The following PDLIM4 variants were observed in gnomAD, a reference collection of about 807,000 sequenced individuals.
The protein encoded by PDLIM4 is PDZ and LIM domain protein 4.
Under a neutral mutation model 31.3 loss-of-function variants are expected in PDLIM4, and 19 were observed. That is an observed-to-expected ratio of 0.61 (90% CI 0.42 to 0.89). The LOEUF (loss-of-function observed/expected upper bound fraction) is 0.89, where lower values mean the gene tolerates loss of function less well. Among genes scored for constraint, PDLIM4 ranks in the 40% least tolerant of loss-of-function variants. The pLI, the probability that PDLIM4 is intolerant of heterozygous loss-of-function variation, is 0.00. For synonymous variants in PDLIM4, 176 were observed against 190.1 expected, an observed-to-expected ratio of 0.93 and a Z score of 0.61; for missense variants, 442 against 461.1, an observed-to-expected ratio of 0.96 and a Z score of 0.38.
rs1159722019 is a variant in PDLIM4, at chr5:132,262,655, A to G, written c.140A>G (p.Asp47Gly). 2 of 1,612,094 alleles carry G rather than the reference A, an allele frequency of 1.2e-6. No individual in the cohort carries two copies. Among genetic ancestry groups the G allele is most frequent in the Non-Finnish European group, 1.7e-6 (2 of 1,179,160 alleles). Residue 47 changes from aspartate (D) to glycine (G), a missense_variant, in exon 2 of 7, where the codon GAC (aspartate) becomes GGC (glycine). By Grantham distance (94) the Asp-to-Gly change is moderately conservative. Coordinates refer to ENST00000253754, the MANE Select transcript of PDLIM4 (RefSeq NM_003687.4). ...GCATTGGCTGCCCTGTGCCCAGGAG[A>G]CCTGATCCAGGCCATCAATGGTGAG... is the stretch of plus-strand genomic sequence containing the variant. ...KAALAALCPG[D>G]LIQAINGEST... is the part of the protein sequence containing the mutation.
intron 5 of PDLIM4, 69 bp downstream of exon 5, chr5:132,271,535 A>G: frequency 6.7e-7 from 1 of 1,502,076 alleles, no homozygotes; most frequent in Non-Finnish European, 9.2e-7. Context: ...CCCCCTAGCG[A>G]CCCCACGTCC....
At chr5:132,258,778 A>G (rs1756303212) in intron 1 of PDLIM4, among the ~76,000 whole-genome samples, 1 of 152,230 alleles carries the variant, frequency 6.6e-6, no homozygotes, top group Admixed American at 6.5e-5. Flanking sequence ...CAGAGGAGAT[A>G]ACCTGAAACC....
intron 3 of PDLIM4, 71 bp from the exon 4 acceptor site, chr5:132,270,844 T>C (rs1384554712): frequency 8.1e-6 from 11 of 1,356,042 alleles, no homozygotes; most frequent in Admixed American, 6.8e-5. Flanking sequence ...CACAGCAGGG[T>C]GGGGGTGGGG....
chr5:132,272,301 C>T lies in PDLIM4; in HGVS notation c.*72C>T, dbSNP rs894486718. 7 of 1,285,174 alleles carry T rather than the reference C, an allele frequency of 5.4e-6. No homozygotes were observed. The highest frequency in any genetic ancestry group is 6.7e-6 in the Non-Finnish European group (6 of 899,380). 79.6% of individuals were successfully genotyped at this position (1,285,174 alleles called of 1,614,324 possible). ...CGGTGTAAATATGTTTCACCCTGTC[C>T]CTCTAATAAAGCTCCTCTGCTCCAC... On this transcript the variant is annotated 3_prime_UTR_variant, in exon 7 of 7. Transcript: ENST00000253754.
intron 2 of PDLIM4, among the ~76,000 whole-genome samples, chr5:132,265,913 A>T (rs1389562597): frequency 6.6e-6 from 1 of 152,134 alleles, no homozygotes; most frequent in Admixed American, 6.5e-5. Flanking sequence ...GGAATTTCCT[A>T]ATGGCCTGTT....
Position 132,272,100 on chromosome 5 carries a change from C to CAA in PDLIM4, c.865_866dup (p.Gln290SerfsTer22). On this transcript the variant is annotated frameshift_variant, in exon 7 of 7. Coordinates refer to ENST00000253754, the MANE Select transcript of PDLIM4 (RefSeq NM_003687.4). LOFTEE classifies it high-confidence loss of function. ...TGTGCAGTGACTGCGGCCTGAACCT[C>CAA]AAGCAGCGTGGTTACTTCTTTCTGG... The CAA allele has an allele frequency of 6.2e-7, 1 of 1,614,232 alleles. No individual in the cohort carries two copies. The highest frequency in any genetic ancestry group is 1.6e-4 in the Middle Eastern group (1 of 6,062).
In PDLIM4 at chr5:132,271,360, C is replaced by T. The variant is rs764621515; in HGVS notation, c.564C>T (p.Ser188=). 2.9e-5 allele frequency: 46 copies of T among 1,605,132 alleles called. No individual in the cohort carries two copies. Among genetic ancestry groups the T allele is most frequent in the Non-Finnish European group, 3.8e-5 (45 of 1,178,686 alleles). The change falls in exon 5 of 7, where the codon TCC becomes TCT. Residue 188 remains serine, a synonymous_variant. Transcript: ENST00000253754. ...RSRDCRVDLG[S]EVYRMLREPA... ...GGGACTGCAGAGTCGACCTGGGCTC[C>T]GAGGTGTACAGGATGCTGCGGGAGC...
chr5:132,264,384 G>A (rs1361775714), intron 2 of PDLIM4, among the ~76,000 whole-genome samples: 1 of 152,204 alleles, frequency 6.6e-6, no homozygotes, highest in Non-Finnish European at 1.5e-5. Flanking sequence ...CTATTACAGA[G>A]CTGGGTTGAG....
chr5:132,265,150 A>G (rs535717238), intron 2 of PDLIM4, among the ~76,000 whole-genome samples: 1 of 152,156 alleles, frequency 6.6e-6, no homozygotes, highest in Non-Finnish European at 1.5e-5. Context: ...TTTGCCTGTC[A>G]TTTTGTTTAA....
rs186926395 is a variant in PDLIM4 at position 132,263,010 on chromosome 5, T to G, written c.245+250T>G. Among the ~76,000 whole-genome samples, 30 of 152,334 alleles carry G rather than the reference T, an allele frequency of 2.0e-4. No homozygotes were observed. In the East Asian group the frequency reaches 5.6e-3, roughly 28 times the overall value. On this transcript the variant is annotated intron_variant, in intron 2 of 6. Coordinates refer to ENST00000253754, the MANE Select transcript of PDLIM4 (RefSeq NM_003687.4). ...AGTGTGTTGGGGCACTTATGGCAAG[T>G]GTTGCAGGCAACTGAAATAAGACCT...
intron 1 of PDLIM4, among the ~76,000 whole-genome samples, chr5:132,261,056 G>A: frequency 6.6e-6 from 1 of 152,198 alleles, no homozygotes; most frequent in East Asian, 1.9e-4. Context: ...TGTAAAATAG[G>A]GATGAGAACA....
chr5:132,258,346 G>T (rs968979581), intron 1 of PDLIM4, among the ~76,000 whole-genome samples: 7 of 152,222 alleles, frequency 4.6e-5, no homozygotes, highest in African/African-American at 1.4e-4. Flanking sequence ...TCTCATTCAC[G>T]ACCTCAGTCA....
At chr5:132,268,617 G>C (rs942114518) in intron 3 of PDLIM4, among the ~76,000 whole-genome samples, 6 of 152,206 alleles carry the variant, frequency 3.9e-5, no homozygotes, top group African/African-American at 1.4e-4. Context: ...GGTTAGTAGG[G>C]TTTTCTGGAA....
intron 3 of PDLIM4, among the ~76,000 whole-genome samples, chr5:132,267,855 G>T (rs1756524668): frequency 6.6e-6 from 1 of 152,190 alleles, no homozygotes; most frequent in Admixed American, 6.5e-5. Context: ...TCAGAAACTT[G>T]CTCTGATGGC....
rs578199041 is a variant in PDLIM4 at position 132,273,177 on chromosome 5, C to G, written c.*948C>G. On this transcript the variant is annotated 3_prime_UTR_variant, in exon 7 of 7. Transcript: ENST00000253754. ...TGGCTGTTCACTCCCGAGGATGTGT[C>G]CTAGACTCCGGGTCGCGTGGATCTA... The G allele has an allele frequency of 2.6e-4, 40 of 152,404 alleles. No individual in the cohort carries two copies. Among genetic ancestry groups the G allele is most frequent in the African/African-American group, 9.6e-4 (40 of 41,552 alleles). 9.4% of individuals were successfully genotyped at this position (152,404 alleles called of 1,614,324 possible).
At chr5:132,268,963 C>T (rs546475344) in intron 3 of PDLIM4, among the ~76,000 whole-genome samples, 1 of 152,342 alleles carries the variant, frequency 6.6e-6, no homozygotes, top group South Asian at 2.1e-4. Context: ...ATTCCCCTGA[C>T]AGCCATTCAT....
chr5:132,260,638 T>A (rs2126670805), intron 1 of PDLIM4, among the ~76,000 whole-genome samples: 1 of 152,310 alleles, frequency 6.6e-6, no homozygotes, highest in Non-Finnish European at 1.5e-5. Context: ...AAAATGCAGG[T>A]GTTAAGAGCA....
intron 1 of PDLIM4, among the ~76,000 whole-genome samples, chr5:132,260,926 A>G (rs899775060): frequency 1.3e-5 from 2 of 152,210 alleles, no homozygotes; most frequent in African/African-American, 4.8e-5. Context: ...AGAAGCCTGA[A>G]TGTACCCCTT....
In PDLIM4 at chr5:132,271,919, G is replaced by A. The variant is rs760005543; in HGVS notation, c.788+11G>A. On this transcript the variant is annotated intron_variant, in intron 6 of 6. Coordinates refer to ENST00000253754, the MANE Select transcript of PDLIM4 (RefSeq NM_003687.4). Reference sequence around the variant, plus strand: ...CGGCCACGGCATCGTGTGAGTAACCGCCCCCGCTGCCCCTCCCGGACCCTA... The same window carrying A: ...CGGCCACGGCATCGTGTGAGTAACCACCCCCGCTGCCCCTCCCGGACCCTA... 2.5e-6 allele frequency: 4 copies of A among 1,592,052 alleles called. No homozygotes were observed. Among genetic ancestry groups the A allele is most frequent in the Admixed American group, 1.7e-5 (1 of 59,270 alleles).
Sources: allele counts gnomAD v4.1 joint callset (sites outside exome capture counted in the v4.1 genomes callset), GRCh38; gene constraint gnomAD v4.1.1; transcripts MANE v1.5; gene names NCBI Gene and HGNC (gene_info 2026-07-23, HGNC 2026-07-21).